TACC1: variants seen among roughly 807,000 people sequenced by gnomAD.
TACC1 encodes transforming acidic coiled-coil containing protein 1.
In TACC1, 48 loss-of-function variants were observed where a neutral mutation model predicts 84.4. The ratio of observed to expected loss-of-function variants is 0.57; its 90% CI spans 0.45 to 0.72. TACC1 has a LOEUF of 0.72. Ranked by LOEUF, TACC1 falls within the 30% of genes least tolerant of loss-of-function variation. The pLI is 0.00. For synonymous variants in TACC1, 372 were observed against 376.3 expected (o/e 0.99, Z 0.13); for missense variants, 920 against 973.0 (o/e 0.95, Z 0.72).
In TACC1 at chr8:38,795,266, C is replaced by T. The variant is rs564569083; in HGVS notation, c.277+6447C>T. Among the ~76,000 whole-genome samples the T allele has an allele frequency of 3.3e-5, 5 of 152,264 alleles. No individual in the cohort carries two copies. In the East Asian group the frequency reaches 7.7e-4, roughly 23 times the overall value. On this transcript the variant is annotated intron_variant, in intron 2 of 12. Coordinates refer to ENST00000317827, the MANE Select transcript of TACC1 (RefSeq NM_006283.3). ...GCAACAGTGTCTGAATAAAAAATTC[C>T]AGGGCAGGGAAGCAAAGTCTACCTG... is the stretch of plus-strand genomic sequence containing the variant.
At chr8:38,786,994 A>T (rs1332209339), upstream of TACC1, among the ~76,000 whole-genome samples, 3 of 151,946 alleles carry the variant, frequency 2.0e-5, no homozygotes, top group South Asian at 6.2e-4. Flanking sequence ...TCTGCCCCGG[A>T]CGCCGGCGGA....
intron 11 of TACC1, 39 bp downstream of exon 11, chr8:38,843,434 G>C (rs761388846): frequency 6.8e-7 from 1 of 1,467,848 alleles, no homozygotes; most frequent in South Asian, 1.3e-5. Context: ...TCTTCATGAT[G>C]TTGTGGGAAG....
intron 2 of TACC1, among the ~76,000 whole-genome samples, chr8:38,802,978 G>A (rs1028937580): frequency 2.0e-5 from 3 of 152,190 alleles, no homozygotes; most frequent in East Asian, 3.9e-4. Flanking sequence ...ACAAATATCC[G>A]AACTACATCA....
At chr8:38,735,329 G>A (rs1259333710) in intron 1 of TACC1, among the ~76,000 whole-genome samples, 1 of 152,200 alleles carries the variant, frequency 6.6e-6, no homozygotes, top group Non-Finnish European at 1.5e-5. Flanking sequence ...AGAGTCTTGA[G>A]AGGAAGCTAA....
chr8:38,819,862 G>A lies in TACC1; in HGVS notation c.618G>A (p.Glu206=). Residue 206 remains glutamate (E), a synonymous_variant, in exon 3 of 13, where the codon GAG becomes GAA. Coordinates refer to ENST00000317827, the MANE Select transcript of TACC1 (RefSeq NM_006283.3). The stretch of plus-strand genomic sequence containing the variant: ...AAGGCAGCATGGGGGTCACCCTCGA[G>A]GCCTCCGCAGAAGCTGATCTAAAAG... ...MTEGSMGVTL[E]ASAEADLKAG... The A allele has an allele frequency of 6.2e-7, 1 of 1,613,950 alleles. No individual in the cohort carries two copies. Among genetic ancestry groups the A allele is most frequent in the Non-Finnish European group, 8.5e-7 (1 of 1,180,046 alleles).
chr8:38,840,410 G>C (rs984579615), intron 9 of TACC1, 143 bp downstream of exon 9: 27 of 688,020 alleles, frequency 3.9e-5, no homozygotes, highest in Non-Finnish European at 5.8e-5. Flanking sequence ...AGAGTTCAAG[G>C]TGCCCACAGA....
intron 3 of TACC1, among the ~76,000 whole-genome samples, chr8:38,769,005 G>A (rs1478204645): frequency 2.0e-5 from 3 of 149,898 alleles, no homozygotes; most frequent in South Asian, 2.1e-4. Context: ...GTGAGACTGC[G>A]TGGTGCGTGG....
chr8:38,781,807 T>G (rs925914338), intron 3 of TACC1, among the ~76,000 whole-genome samples: 19 of 152,142 alleles, frequency 1.2e-4, no homozygotes, highest in African/African-American at 4.1e-4. Flanking sequence ...GTAATGTCCT[T>G]TACTAGAATC....
chr8:38,738,109 G>A (rs1806335857), intron 1 of TACC1, among the ~76,000 whole-genome samples: 1 of 152,074 alleles, frequency 6.6e-6, no homozygotes, highest in Non-Finnish European at 1.5e-5. Context: ...TTTTTGTGAA[G>A]ATTAGAAGAG....
intron 9 of TACC1, among the ~76,000 whole-genome samples, 200 bp from the exon 10 acceptor site, chr8:38,842,087 G>A (rs1009417203): frequency 1.5e-4 from 22 of 150,396 alleles, no homozygotes; most frequent in African/African-American, 3.9e-4. Flanking sequence ...CCCCCTCCCC[G>A]CCCCCATTCC....
At chr8:38,778,069 C>T (rs1245675203) in intron 3 of TACC1, among the ~76,000 whole-genome samples, 1 of 152,164 alleles carries the variant, frequency 6.6e-6, no homozygotes, top group Admixed American at 6.6e-5. Flanking sequence ...TGCATAGACA[C>T]ACAATGTTAA....
At chr8:38,766,949 T>A (rs895078488) in intron 3 of TACC1, among the ~76,000 whole-genome samples, 32 of 152,300 alleles carry the variant, frequency 2.1e-4, no homozygotes, top group African/African-American at 7.5e-4. Context: ...TTCCTACTGA[T>A]AAGATAGTTT....
chr8:38,846,676 T>C (rs1228857110), intron 11 of TACC1, 23 bp from the exon 12 acceptor site: 13 of 1,613,464 alleles, frequency 8.1e-6, no homozygotes, highest in Non-Finnish European at 1.1e-5. Flanking sequence ...TGTCTCTTTA[T>C]TACACCCAAA....
rs138431901 is a variant in TACC1 at position 38,788,754 on chromosome 8, G to A, written c.212G>A (p.Arg71Gln). Residue 71 changes from arginine to glutamine, a missense_variant, in exon 2 of 13, where the codon CGA becomes CAA. By Grantham distance (43) the Arg-to-Gln change is conservative. Transcript: ENST00000317827. ...FETPEAETPI[R>Q]SPFKESCDPS... ...ACTCCTGAAGCTGAAACCCCGATCC[G>A]ATCACCTTTCAAGGAGTCCTGTGAT... is the stretch of plus-strand genomic sequence containing the variant. 9.3e-6 allele frequency: 15 copies of A among 1,613,850 alleles called. No individual in the cohort carries two copies. The African/African-American group carries it at 1.9e-4, about 20-fold the overall frequency.
At chr8:38,762,996 A>T (rs1196698334) in intron 3 of TACC1, among the ~76,000 whole-genome samples, 1 of 152,200 alleles carries the variant, frequency 6.6e-6, no homozygotes, top group Non-Finnish European at 1.5e-5. Context: ...AGGAACCACA[A>T]AACTGTCTTC....
intron 2 of TACC1, among the ~76,000 whole-genome samples, chr8:38,817,621 C>T (rs1426855029): frequency 6.6e-6 from 1 of 151,924 alleles, no homozygotes. Context: ...AGCACTGAGA[C>T]GTTTTAACAC....
chr8:38,758,073 G>A (rs907328841), intron 3 of TACC1, among the ~76,000 whole-genome samples: 5 of 152,086 alleles, frequency 3.3e-5, no homozygotes, highest in Admixed American at 6.6e-5. Flanking sequence ...TTGACAGAGA[G>A]GGGATAACAA....
At chr8:38,774,144 C>T (rs1027381750) in intron 3 of TACC1, among the ~76,000 whole-genome samples, 5 of 152,234 alleles carry the variant, frequency 3.3e-5, no homozygotes, top group Non-Finnish European at 7.3e-5. Context: ...CTACACTTCA[C>T]CCAGGCAGCT....
chr8:38,827,100 A>T, intron 4 of TACC1, 68 bp from the exon 5 acceptor site: 1 of 1,406,874 alleles, frequency 7.1e-7, no homozygotes, highest in Non-Finnish European at 9.9e-7. Flanking sequence ...TGTTCCATTC[A>T]TGGGATGTCA....
Sources: gnomAD v4.1 joint callset for allele counts (sites outside exome capture counted in the v4.1 genomes callset) on GRCh38, gnomAD v4.1.1 for gene constraint, MANE v1.5 for transcripts, NCBI Gene and HGNC (gene_info 2026-07-23, HGNC 2026-07-21) for gene names.